NRG3: variants seen among roughly 807,000 people sequenced by gnomAD.
NRG3 encodes the protein neuregulin 3.
Under a neutral mutation model 66.9 loss-of-function variants are expected in NRG3, and 31 were observed. The observed-to-expected ratio is 0.46, with a 90% CI of 0.35 to 0.63. The LOEUF is 0.63. Among genes scored for constraint, NRG3 ranks in the 20% least tolerant of loss-of-function variants. NRG3 has a pLI of 0.00. For synonymous variants in NRG3, 393 were observed against 359.4 expected, an observed-to-expected ratio of 1.09 and a Z score of -1.06; for missense variants, 910 against 878.9, an observed-to-expected ratio of 1.04 and a Z score of -0.45.
chr10:82,926,294 T>A (rs1275895270), intron 4 of NRG3, among the ~76,000 whole-genome samples: 1 of 152,136 alleles, frequency 6.6e-6, no homozygotes, highest in African/African-American at 2.4e-5. Flanking sequence ...ATAACACACC[T>A]TGTTGTATAA....
intron 2 of NRG3, among the ~76,000 whole-genome samples, chr10:82,374,478 T>G (rs2085084152): frequency 6.6e-6 from 1 of 152,200 alleles, no homozygotes. Context: ...CCTCTGAAGA[T>G]TCTAATTTAG....
chr10:82,566,193 A>G (rs2133067506), intron 2 of NRG3, among the ~76,000 whole-genome samples: 1 of 151,906 alleles, frequency 6.6e-6, no homozygotes. Context: ...AAAGATAACA[A>G]CCGTTTTTCC....
rs1845141912 is a variant in NRG3 at position 82,909,793 on chromosome 10, CAAG to C, written c.1055-41669_1055-41667del. ...CCTCTATGAGTAACAGTGATAAGAA[CAAG>C]AAGAAGGATTTATGTTAATTTAGAA... On this transcript the variant is annotated intron_variant, in intron 4 of 8. Transcript: ENST00000372141. Among the ~76,000 whole-genome samples, 5 of 152,158 alleles carry C rather than the reference CAAG, an allele frequency of 3.3e-5. No homozygotes were observed. In the South Asian group the frequency reaches 1.0e-3, roughly 32 times the overall value.
intron 1 of NRG3, among the ~76,000 whole-genome samples, chr10:82,305,955 T>A (rs1046820619): frequency 6.6e-6 from 1 of 152,224 alleles, no homozygotes; most frequent in African/African-American, 2.4e-5. Flanking sequence ...GGTTTGACAT[T>A]AACCATGAAG....
intron 1 of NRG3, among the ~76,000 whole-genome samples, chr10:82,093,297 C>G (rs997274889): frequency 7.9e-5 from 12 of 152,166 alleles, no homozygotes; most frequent in African/African-American, 1.7e-4. Context: ...ATAACTTGAA[C>G]TAAACATACC....
At chr10:82,677,044 T>TTC (rs3040206) in intron 2 of NRG3, among the ~76,000 whole-genome samples, 29 of 148,164 alleles carry the variant, frequency 2.0e-4, no homozygotes, top group Middle Eastern at 3.5e-3. Context: ...CTTTCTTTCT[T>TTC]TCTCTCTCTC....
chr10:82,105,896 C>T (rs891193650), intron 1 of NRG3, among the ~76,000 whole-genome samples: 10 of 152,018 alleles, frequency 6.6e-5, no homozygotes, highest in South Asian at 2.1e-4. Context: ...ACACACTGCT[C>T]GGTATGCAAA....
chr10:82,005,946 A>G (rs2061364283), intron 1 of NRG3, among the ~76,000 whole-genome samples: 1 of 151,668 alleles, frequency 6.6e-6, no homozygotes, highest in Non-Finnish European at 1.5e-5. Flanking sequence ...GTATAATGAG[A>G]AATTTTATTT....
At chr10:82,131,875 G>C (rs2068845833) in intron 1 of NRG3, among the ~76,000 whole-genome samples, 1 of 152,050 alleles carries the variant, frequency 6.6e-6, no homozygotes, top group Admixed American at 6.6e-5. Flanking sequence ...ATGTGTGTAT[G>C]TTGATTTTAT....
At chr10:82,293,540 T>C (rs1320127778) in intron 1 of NRG3, among the ~76,000 whole-genome samples, 1 of 152,166 alleles carries the variant, frequency 6.6e-6, no homozygotes, top group African/African-American at 2.4e-5. Context: ...CCTATGGGAA[T>C]TGTGAATTAT....
chr10:82,897,448 C>A (rs1843763654), intron 4 of NRG3, among the ~76,000 whole-genome samples: 1 of 152,086 alleles, frequency 6.6e-6, no homozygotes, highest in Non-Finnish European at 1.5e-5. Context: ...TGAAACAAAC[C>A]CAAGGCTTCT....
At chr10:82,699,274 A>AG (rs1281267145) in intron 2 of NRG3, among the ~76,000 whole-genome samples, 14 of 142,506 alleles carry the variant, frequency 9.8e-5, no homozygotes, top group African/African-American at 3.7e-4. Context: ...GAAGGAAGGA[A>AG]GGAAGCAAGG....
intron 1 of NRG3, among the ~76,000 whole-genome samples, chr10:82,049,114 C>G (rs1457362964): frequency 1.3e-5 from 2 of 152,082 alleles, no homozygotes; most frequent in African/African-American, 2.4e-5. Flanking sequence ...ATCTGACATG[C>G]TTTTTCATTT....
intron 4 of NRG3, among the ~76,000 whole-genome samples, chr10:82,890,291 G>C (rs1206489893): frequency 6.6e-6 from 1 of 151,946 alleles, no homozygotes; most frequent in African/African-American, 2.4e-5. Context: ...GACATATCAA[G>C]GAAAAGAACG....
At chr10:82,597,458 A>G (rs368434419) in intron 2 of NRG3, among the ~76,000 whole-genome samples, 229 of 152,270 alleles carry the variant, frequency 1.5e-3, no homozygotes, top group Middle Eastern at 0.01. Context: ...TCTATCAAAT[A>G]TTTCTGTCTT....
chr10:82,914,870 G>T (rs1845685426), intron 4 of NRG3, among the ~76,000 whole-genome samples: 1 of 151,984 alleles, frequency 6.6e-6, no homozygotes, highest in East Asian at 1.9e-4. Context: ...TTCTCATGGT[G>T]GTTAGGTTCT....
intron 1 of NRG3, among the ~76,000 whole-genome samples, chr10:82,338,380 A>T (rs1376830614): frequency 1.3e-5 from 2 of 152,210 alleles, no homozygotes; most frequent in African/African-American, 4.8e-5. Context: ...TAGAAGTTAG[A>T]AAACATTATG....
chr10:82,702,407 A>G (rs942912653), intron 2 of NRG3, among the ~76,000 whole-genome samples: 7 of 152,216 alleles, frequency 4.6e-5, no homozygotes, highest in African/African-American at 1.4e-4. Flanking sequence ...ATTACCAAAG[A>G]ATTTTCCACA....
At chr10:82,961,225 A>C (rs1326089502) in intron 6 of NRG3, among the ~76,000 whole-genome samples, 1 of 152,214 alleles carries the variant, frequency 6.6e-6, no homozygotes, top group African/African-American at 2.4e-5. Context: ...TGTACCTTGA[A>C]ATCTACAAAC....
Sources: gnomAD v4.1 joint callset for allele counts (sites outside exome capture counted in the v4.1 genomes callset) on GRCh38, gnomAD v4.1.1 for gene constraint, MANE v1.5 for transcripts, NCBI Gene and HGNC (gene_info 2026-07-23, HGNC 2026-07-21) for gene names.